Variants in SLC71A2 observed in about 807,000 individuals in gnomAD.
SLC71A2 encodes hippocampus abundant transcript-like 1.
At chr9:94,448,438 C>CTG in the SLC71A2 span, among the ~76,000 whole-genome samples, 1 of 152,132 alleles carries the variant, frequency 6.6e-6, no homozygotes, top group African/African-American at 2.4e-5. Context: ...CCATTGCATC[C>CTG]TGTGGTCTTT....
chr9:94,377,574 G>C, the SLC71A2 span, among the ~76,000 whole-genome samples: 116 of 142,112 alleles, frequency 8.2e-4, 1 homozygote, highest in African/African-American at 3.0e-3. Flanking sequence ...TTGTAGAGAT[G>C]AAGTCTTCCT....
chr9:94,450,507 T>TTC, the SLC71A2 span, among the ~76,000 whole-genome samples: 1 of 137,220 alleles, frequency 7.3e-6, no homozygotes, highest in African/African-American at 3.0e-5. Flanking sequence ...TTTTTTTTTT[T>TTC]GAGATGGAGT....
At chr9:94,448,094 T>C in the SLC71A2 span, among the ~76,000 whole-genome samples, 1 of 121,410 alleles carries the variant, frequency 8.2e-6, no homozygotes, top group Non-Finnish European at 1.7e-5. Flanking sequence ...AACATTCATG[T>C]ACTGTAATGT....
the SLC71A2 span, among the ~76,000 whole-genome samples, chr9:94,411,951 G>A: frequency 6.6e-6 from 1 of 152,130 alleles, no homozygotes; most frequent in African/African-American, 2.4e-5. Flanking sequence ...TCATAGTTTA[G>A]GGATAAAGTA....
chr9:94,452,129 A>G, the SLC71A2 span, among the ~76,000 whole-genome samples: 1 of 152,252 alleles, frequency 6.6e-6, no homozygotes, highest in African/African-American at 2.4e-5. Flanking sequence ...ACACCAACCA[A>G]AATAGTAAAT....
chr9:94,420,690 G>A, the SLC71A2 span, among the ~76,000 whole-genome samples: 14 of 151,610 alleles, frequency 9.2e-5, no homozygotes, highest in African/African-American at 3.4e-4. Context: ...CACGAGGTCA[G>A]GAGTTCGAGA....
At chr9:94,454,235 A>G in the SLC71A2 span, among the ~76,000 whole-genome samples, 20 of 152,324 alleles carry the variant, frequency 1.3e-4, no homozygotes, top group African/African-American at 4.1e-4. Context: ...GTGGAGCTAG[A>G]TAACAGGATT....
chr9:94,387,391 A>T, the SLC71A2 span, among the ~76,000 whole-genome samples: 2 of 152,002 alleles, frequency 1.3e-5, no homozygotes, highest in African/African-American at 4.8e-5. Flanking sequence ...TTTTAAATTT[A>T]ATCTTCTTAA....
the SLC71A2 span, among the ~76,000 whole-genome samples, chr9:94,449,181 T>C: frequency 6.6e-6 from 1 of 152,226 alleles, no homozygotes; most frequent in Non-Finnish European, 1.5e-5. Context: ...CTAGCTTTTC[T>C]CCTACACATA....
the SLC71A2 span, chr9:94,459,032 A>T: frequency 9.7e-7 from 1 of 1,035,272 alleles, no homozygotes; most frequent in Non-Finnish European, 1.4e-6. Context: ...TTGACATTTA[A>T]TGAAACATTT....
At chr9:94,413,076 C>G in the SLC71A2 span, among the ~76,000 whole-genome samples, 1 of 151,748 alleles carries the variant, frequency 6.6e-6, no homozygotes, top group South Asian at 2.1e-4. Context: ...GAGGGACACT[C>G]TATAAAATTA....
At chr9:94,379,834 A>G in the SLC71A2 span, among the ~76,000 whole-genome samples, 1 of 152,234 alleles carries the variant, frequency 6.6e-6, no homozygotes. Context: ...ATATCCAGGA[A>G]AGTATTCAAT....
At chr9:94,440,907 C>T in the SLC71A2 span, 4 of 805,740 alleles carry the variant, frequency 5.0e-6, no homozygotes, top group Non-Finnish European at 8.2e-6. Context: ...GTAATCTTTA[C>T]ATGATGTCTT....
chr9:94,394,922 T>G, the SLC71A2 span, among the ~76,000 whole-genome samples: 14,432 of 82,214 alleles, frequency 0.18, 2,673 homozygotes, highest in East Asian at 0.46. Context: ...TTTGTTTTTT[T>G]TTTTTTTTTG....
chr9:94,398,111 A>T, the SLC71A2 span, among the ~76,000 whole-genome samples: 1 of 151,442 alleles, frequency 6.6e-6, no homozygotes, highest in South Asian at 2.1e-4. Context: ...GAACTCATAG[A>T]TATTTATTTT....
At chr9:94,459,559 T>TC in the SLC71A2 span, 3 of 668,708 alleles carry the variant, frequency 4.5e-6, no homozygotes, top group Admixed American at 9.6e-5. Context: ...ATCATTCTGC[T>TC]CATCCTCCTC....
chr9:94,424,208 G>T, the SLC71A2 span, among the ~76,000 whole-genome samples: 5 of 151,496 alleles, frequency 3.3e-5, no homozygotes, highest in African/African-American at 1.2e-4. Context: ...ACACCATCCT[G>T]TGTTAACTTC....
the SLC71A2 span, among the ~76,000 whole-genome samples, chr9:94,427,654 C>T: frequency 7.4e-6 from 1 of 135,926 alleles, no homozygotes; most frequent in Admixed American, 8.1e-5. Flanking sequence ...TGAGAGAACC[C>T]TGGAGGTGTT....
chr9:94,450,303 T>C, the SLC71A2 span, among the ~76,000 whole-genome samples: 2 of 152,162 alleles, frequency 1.3e-5, no homozygotes, highest in Non-Finnish European at 2.9e-5. Context: ...TTTTAAAACT[T>C]CAAACAAAAT....
Sources: gnomAD v4.1 joint callset for allele counts (sites outside exome capture counted in the v4.1 genomes callset) on GRCh38, gnomAD v4.1.1 for gene constraint, MANE v1.5 for transcripts, NCBI Gene and HGNC (gene_info 2026-07-23, HGNC 2026-07-21) for gene names.